Variants in SHISA6 observed in about 807,000 individuals in gnomAD.
SHISA6 encodes the protein shisa family member 6.
In SHISA6, 22 loss-of-function variants were observed where a neutral mutation model predicts 47.9. The ratio of observed to expected loss-of-function variants is 0.46; its 90% confidence interval spans 0.33 to 0.66. The LOEUF is 0.66. Among genes scored for constraint, SHISA6 ranks in the 30% least tolerant of loss-of-function variants. The pLI is 0.02. For synonymous variants in SHISA6, 388 were observed against 337.8 expected (o/e 1.15, Z -1.63); for missense variants, 680 against 764.6 (o/e 0.89, Z 1.30).
At chr17:11,451,022 G>T (rs1038645591) in intron 3 of SHISA6, among the ~76,000 whole-genome samples, 1 of 151,346 alleles carries the variant, frequency 6.6e-6, no homozygotes, top group Non-Finnish European at 1.5e-5. Context: ...AACAGATTTG[G>T]CCAGATTATC....
chr17:11,423,242 TATATATATATATA>T (rs1465604813), intron 3 of SHISA6, among the ~76,000 whole-genome samples: 2 of 145,512 alleles, frequency 1.4e-5, no homozygotes, highest in Non-Finnish European at 3.0e-5. Context: ...TGTGTGTGTA[TATATATATATATA>T]ATATATATAT....
At chr17:11,243,401 C>T (rs990050847) in intron 1 of SHISA6, among the ~76,000 whole-genome samples, 2 of 151,766 alleles carry the variant, frequency 1.3e-5, no homozygotes, top group African/African-American at 2.4e-5. Flanking sequence ...CTCAAACTCG[C>T]GTGCTGGAAT....
chr17:11,378,309 T>C (rs774561802), intron 2 of SHISA6, among the ~76,000 whole-genome samples: 15 of 152,058 alleles, frequency 9.9e-5, no homozygotes, highest in Non-Finnish European at 1.9e-4. Flanking sequence ...TTTGATATGT[T>C]TGTGTGCTTT....
intron 3 of SHISA6, among the ~76,000 whole-genome samples, chr17:11,448,599 C>T (rs1289049611): frequency 2.0e-5 from 3 of 151,622 alleles, no homozygotes; most frequent in Non-Finnish European, 4.4e-5. Context: ...GAGGCTGAGG[C>T]AGGTGGATCA....
intron 3 of SHISA6, among the ~76,000 whole-genome samples, chr17:11,470,549 C>T (rs1043587607): frequency 1.3e-5 from 2 of 152,380 alleles, no homozygotes; most frequent in Middle Eastern, 3.4e-3. Flanking sequence ...ATGACACATA[C>T]TCCTTGAGAA....
At chr17:11,458,002 G>A (rs1185254748) in intron 3 of SHISA6, among the ~76,000 whole-genome samples, 2 of 148,224 alleles carry the variant, frequency 1.3e-5, no homozygotes, top group East Asian at 2.0e-4. Context: ...GGAGAATGGC[G>A]TGAACCTGGG....
In SHISA6 at chr17:11,378,454, G is replaced by A. The variant is rs75352651; in HGVS notation, c.800-960G>A. Among the ~76,000 whole-genome samples, 1,021 of 152,222 alleles carry A rather than the reference G, an allele frequency of 6.7e-3. 3 individuals are homozygous for A. The highest frequency in any genetic ancestry group is 0.017 in the Middle Eastern group (5 of 294). ...AACATTATATCTGAAGTAGGCCTGTGCATTGTTATAGTTATACATACGATT... is the reference window on the plus strand; with the variant it reads ...AACATTATATCTGAAGTAGGCCTGTACATTGTTATAGTTATACATACGATT... On this transcript the variant is annotated intron_variant, in intron 2 of 5. Transcript: ENST00000441885.
chr17:11,285,685 T>C (rs1173290322), intron 2 of SHISA6, among the ~76,000 whole-genome samples: 1 of 152,174 alleles, frequency 6.6e-6, no homozygotes, highest in Non-Finnish European at 1.5e-5. Context: ...CAGAGGTCTG[T>C]GTTTACTATG....
At chr17:11,455,876 A>G (rs1915521444) in intron 3 of SHISA6, among the ~76,000 whole-genome samples, 2 of 152,178 alleles carry the variant, frequency 1.3e-5, no homozygotes. Context: ...AGCAATACAC[A>G]TCATTTTAAG....
intron 3 of SHISA6, among the ~76,000 whole-genome samples, chr17:11,479,859 C>A (rs1311119125): frequency 1.3e-5 from 2 of 151,678 alleles, no homozygotes; most frequent in African/African-American, 4.8e-5. Context: ...TTTATTTTAT[C>A]TTCACTTATT....
intron 3 of SHISA6, among the ~76,000 whole-genome samples, chr17:11,512,273 C>G (rs921548232): frequency 7.2e-5 from 11 of 152,144 alleles, no homozygotes; most frequent in Non-Finnish European, 1.6e-4. Flanking sequence ...TTTGCCTTTC[C>G]TTTCAGGAAA....
At chr17:11,243,646 G>A (rs1194528407) in intron 1 of SHISA6, among the ~76,000 whole-genome samples, 1 of 152,116 alleles carries the variant, frequency 6.6e-6, no homozygotes. Context: ...TTTCTGTCTC[G>A]GCTCAGTGTG....
Position 11,241,454 on chromosome 17 carries a change from T to C in SHISA6, c.32T>C (p.Leu11Pro). ...CTGCGGCGCCTCCTGCTGCTGCTGC[T>C]GCTCTCGCTGGAGTCCCTGGACCTG... MALRRLLLLL[L>P]LSLESLDLLP... Residue 11 changes from leucine to proline, a missense_variant, in exon 1 of 6, where the codon CTG becomes CCG. Transcript: ENST00000441885. This position sits in a 1 kb window ranked among gnomAD's most constrained non-coding sequence, Gnocchi z 5.5. The C allele has an allele frequency of 8.3e-7, 1 of 1,207,092 alleles. No individual in the cohort carries two copies. Among genetic ancestry groups the C allele is most frequent in the Non-Finnish European group, 1.0e-6 (1 of 954,392 alleles). The allele number at this position is 1,207,092 out of a possible 1,614,324, so 74.8% of individuals were successfully genotyped here. A position where few individuals can be genotyped will look rare whatever the true frequency, so the allele number is the denominator to read the frequency against.
chr17:11,333,772 T>C (rs1288808653), intron 2 of SHISA6, among the ~76,000 whole-genome samples: 4 of 152,138 alleles, frequency 2.6e-5, no homozygotes, highest in African/African-American at 7.2e-5. Context: ...TGGTGGCTCA[T>C]GCCTGTAGTC....
intron 2 of SHISA6, chr17:11,289,979 A>T (rs572539433): frequency 6.6e-6 from 1 of 152,198 alleles, no homozygotes; most frequent in African/African-American, 2.4e-5. Context: ...AACAGTAGGT[A>T]TAACTGAATC....
Position 11,515,557 on chromosome 17 carries a change from G to A in SHISA6, c.896-36339G>A, listed in dbSNP as rs1046093348. Among the ~76,000 whole-genome samples the A allele has an allele frequency of 2.6e-5, 4 of 152,156 alleles. 1 individual carries two copies. Among genetic ancestry groups the A allele is most frequent in the African/African-American group, 9.7e-5 (4 of 41,436 alleles). On this transcript the variant is annotated intron_variant, in intron 3 of 5. Transcript: ENST00000441885. ...AGGGTGGGGCAGGGTAGAAAGCTAA[G>A]CAAGGTGTGGTCTCAGCTGGTGACT...
In SHISA6 at chr17:11,518,249, A is replaced by G. The variant is rs527819780; in HGVS notation, c.896-33647A>G. On this transcript the variant is annotated intron_variant, in intron 3 of 5. Transcript: ENST00000441885. ...TCTTTGTAAAATTAACATGTTGACT[A>G]TGGTTCAGACTGAAGGAATCGATAA... Among the ~76,000 whole-genome samples the G allele has an allele frequency of 2.6e-5, 4 of 152,220 alleles. No individual in the cohort carries two copies. In the South Asian group the frequency reaches 8.3e-4, roughly 32 times the overall value.
Position 11,263,490 on chromosome 17 carries a change from C to G in SHISA6, c.763C>G (p.His255Asp). Residue 255 changes from histidine to aspartate, a missense_variant, in exon 2 of 6, where the codon CAC (histidine) becomes GAC (aspartate). Around this residue, in one of 2 missense-constraint regions of SHISA6, gnomAD observed 559 missense variants for 674.1 expected, o/e 0.83. Transcript: ENST00000441885. ...GCCGGTCAGATCGTCCTCCAAAAAC[C>G]ACTACACTCCTGTGCGTACGGCCAA... ...NTPVRSSSKN[H>D]YTPVRTAKQT... 6.4e-7 allele frequency: 1 copy of G among 1,551,684 alleles called. No homozygotes were observed. The highest frequency in any genetic ancestry group is 8.7e-7 in the Non-Finnish European group (1 of 1,146,982).
intron 2 of SHISA6, among the ~76,000 whole-genome samples, chr17:11,364,716 T>G (rs191128565): frequency 6.6e-6 from 1 of 152,360 alleles, no homozygotes; most frequent in Non-Finnish European, 1.5e-5. Context: ...GGTAAATTTT[T>G]AGATTTGGAA....
Sources: gnomAD v4.1 joint callset for allele counts (sites outside exome capture counted in the v4.1 genomes callset) on GRCh38, gnomAD v4.1.1 for gene constraint, gnomAD v4.1.1 regional missense constraint, Gnocchi (gnomAD v3.1) non-coding constraint, MANE v1.5 for transcripts, NCBI Gene and HGNC (gene_info 2026-07-23, HGNC 2026-07-21) for gene names.